The following CTNNA2 variants were observed in gnomAD, a reference collection of about 807,000 sequenced individuals.
CTNNA2 encodes the protein catenin alpha-2.
In CTNNA2, 42 loss-of-function variants were observed where a neutral mutation model predicts 101.0. The observed-to-expected ratio is 0.42, with a 90% CI of 0.32 to 0.54. The LOEUF is 0.54. Ranked by LOEUF, CTNNA2 falls within the 20% of genes least tolerant of loss-of-function variation. The probability of loss-of-function intolerance (pLI) is 0.14; values close to 1 mark genes in which losing one functional copy is unlikely to be tolerated. For missense variants in CTNNA2, 871 were observed against 1,223.1 expected (o/e 0.71, Z 4.29); for synonymous variants, 450 against 456.4 (o/e 0.99, Z 0.18).
intron 2 of CTNNA2, among the ~76,000 whole-genome samples, chr2:79,257,487 A>T (rs1674862943): frequency 6.6e-6 from 1 of 150,854 alleles, no homozygotes; most frequent in Non-Finnish European, 1.5e-5. Flanking sequence ...AGAGGAAGGG[A>T]GAAAGTAGGT....
At chr2:79,946,141 C>T (rs975690819) in intron 7 of CTNNA2, among the ~76,000 whole-genome samples, 5 of 151,914 alleles carry the variant, frequency 3.3e-5, no homozygotes, top group African/African-American at 1.2e-4. Flanking sequence ...GTCTAATGCT[C>T]TCCCCTCCCA....
At chr2:79,414,039 C>T (rs114921167) in intron 4 of CTNNA2, among the ~76,000 whole-genome samples, 2,967 of 149,144 alleles carry the variant, frequency 0.02, 49 homozygotes, top group Non-Finnish European at 0.032. Flanking sequence ...CTCAGGCATG[C>T]GGTTTTTTTA....
chr2:79,527,601 C>T (rs894882474), intron 1 of CTNNA2, among the ~76,000 whole-genome samples: 7 of 150,056 alleles, frequency 4.7e-5, no homozygotes, highest in East Asian at 3.9e-4. Flanking sequence ...GCTGAGATGG[C>T]GCCATCTGAG....
chr2:79,387,416 C>A (rs1330058661), intron 4 of CTNNA2, among the ~76,000 whole-genome samples: 1 of 152,150 alleles, frequency 6.6e-6, no homozygotes, highest in Non-Finnish European at 1.5e-5. Flanking sequence ...GCTTCTGAAC[C>A]ATCATGGGTC....
intron 1 of CTNNA2, among the ~76,000 whole-genome samples, chr2:79,642,551 T>C (rs1196349430): frequency 6.6e-6 from 1 of 152,102 alleles, no homozygotes; most frequent in African/African-American, 2.4e-5. Context: ...TGGGCTTAGA[T>C]TGAGCAGAGT....
At chr2:80,535,081 G>A (rs569900155) in intron 9 of CTNNA2, among the ~76,000 whole-genome samples, 1 of 152,182 alleles carries the variant, frequency 6.6e-6, no homozygotes, top group Non-Finnish European at 1.5e-5. Flanking sequence ...CTTGAGAATT[G>A]TAACTTTATA....
At position 79,810,425 on chromosome 2, in the gene CTNNA2, G is replaced by A. The variant is rs188262090; in HGVS notation, c.299-47588G>A. ...CCATGATTCATTTATCTCCCCCTGG[G>A]TCCCTCCCACAACATGAGATGAGAT... On this transcript the variant is annotated intron_variant, in intron 3 of 18. Transcript: ENST00000402739. Among the ~76,000 whole-genome samples the A allele has an allele frequency of 2.1e-3, 320 of 151,962 alleles. 2 individuals are homozygous for A. The highest frequency in any genetic ancestry group is 7.0e-3 in the African/African-American group (289 of 41,466).
chr2:79,202,227 T>G (rs1674044751), intron 2 of CTNNA2, among the ~76,000 whole-genome samples: 1 of 152,250 alleles, frequency 6.6e-6, no homozygotes, highest in South Asian at 2.1e-4. Context: ...GTTCCCAGCT[T>G]GATTTTCTTC....
chr2:80,561,674 T>C (rs1000095041), intron 12 of CTNNA2, among the ~76,000 whole-genome samples: 2 of 152,080 alleles, frequency 1.3e-5, no homozygotes, highest in Non-Finnish European at 2.9e-5. Flanking sequence ...TCCTCTCTCT[T>C]TTTTTGAGAT....
chr2:79,736,041 C>G (rs1670850569), intron 2 of CTNNA2, among the ~76,000 whole-genome samples: 1 of 152,110 alleles, frequency 6.6e-6, no homozygotes, highest in Admixed American at 6.5e-5. Context: ...ATCCTTTCAA[C>G]AAGAGATCCT....
intron 2 of CTNNA2, among the ~76,000 whole-genome samples, chr2:79,265,104 G>C (rs1221082273): frequency 6.6e-6 from 1 of 152,102 alleles, no homozygotes; most frequent in Admixed American, 6.5e-5. Context: ...GAATTTTGAG[G>C]AACCATTTTA....
At position 80,581,752 on chromosome 2, in the gene CTNNA2, A is replaced by G. The variant is rs1695563399; in HGVS notation, c.1940A>G (p.Tyr647Cys). The G allele has an allele frequency of 6.2e-7, 1 of 1,613,416 alleles. No homozygotes were observed. The highest frequency in any genetic ancestry group is 8.5e-7 in the Non-Finnish European group (1 of 1,179,508). The change falls in exon 14 of 19, where the codon TAT becomes TGT. Residue 647 changes from tyrosine (Y) to cysteine (C), a missense_variant. Tyr to Cys is a radical substitution (Grantham distance 194, BLOSUM62 -2). Around this residue, in one of 5 missense-constraint regions of CTNNA2, gnomAD observed 93 missense variants for 223.7 expected, o/e 0.42. Transcript: ENST00000402739. ...EDDSDFEQED[Y>C]DVRSRTSVQT... ...GATTCTGACTTTGAGCAGGAAGATT[A>G]TGATGTGCGTAGCAGGACAAGTGTT...
intron 18 of CTNNA2, among the ~76,000 whole-genome samples, chr2:80,643,452 G>C (rs1307118344): frequency 6.6e-6 from 1 of 152,052 alleles, no homozygotes; most frequent in Admixed American, 6.5e-5. Flanking sequence ...GGTCTAATTT[G>C]TTAAATGTAT....
At chr2:79,947,425 T>G (rs1025580080) in intron 7 of CTNNA2, among the ~76,000 whole-genome samples, 1 of 152,184 alleles carries the variant, frequency 6.6e-6, no homozygotes, top group Admixed American at 6.5e-5. Flanking sequence ...TTTTTAAAAA[T>G]AATACCCTAC....
chr2:80,437,854 C>T (rs943079470), intron 9 of CTNNA2, among the ~76,000 whole-genome samples: 1 of 152,190 alleles, frequency 6.6e-6, no homozygotes, highest in African/African-American at 2.4e-5. Flanking sequence ...CAAAAATTAG[C>T]TGGGCATAGT....
intron 2 of CTNNA2, among the ~76,000 whole-genome samples, chr2:79,211,444 A>G (rs1421746666): frequency 1.3e-5 from 2 of 152,038 alleles, no homozygotes; most frequent in Non-Finnish European, 2.9e-5. Flanking sequence ...CTGAAAAGAG[A>G]GTCAGTGAAG....
chr2:79,364,912 T>C (rs1677710837), intron 3 of CTNNA2, among the ~76,000 whole-genome samples: 1 of 152,352 alleles, frequency 6.6e-6, no homozygotes, highest in African/African-American at 2.4e-5. Context: ...TACATCACTC[T>C]TCATAATTAT....
At chr2:79,317,965 G>T (rs550830516) in intron 3 of CTNNA2, among the ~76,000 whole-genome samples, 1 of 151,950 alleles carries the variant, frequency 6.6e-6, no homozygotes, top group Non-Finnish European at 1.5e-5. Context: ...TTACAAACAA[G>T]ATTAGAGTAA....
chr2:80,490,109 C>G (rs868314053), intron 9 of CTNNA2, among the ~76,000 whole-genome samples: 1 of 152,148 alleles, frequency 6.6e-6, no homozygotes, highest in South Asian at 2.1e-4. Flanking sequence ...CTCTCAGACT[C>G]TTGAACAGTA....
Sources: allele counts gnomAD v4.1 joint callset (sites outside exome capture counted in the v4.1 genomes callset), GRCh38; gene constraint gnomAD v4.1.1; regional missense constraint gnomAD v4.1.1; transcripts MANE v1.5; gene names NCBI Gene and HGNC (gene_info 2026-07-23, HGNC 2026-07-21).